Variants in FGF12 observed in about 807,000 individuals in gnomAD.
FGF12 encodes fibroblast growth factor 12B.
FGF12 carries 14 observed loss-of-function variants against 23.6 expected under a neutral mutation model. The observed-to-expected ratio is 0.59, with a 90% confidence interval of 0.39 to 0.93. FGF12 has a LOEUF of 0.93. Ranked by LOEUF, FGF12 falls within the 40% of genes least tolerant of loss-of-function variation. FGF12 has a pLI of 0.00. For missense variants in FGF12, 175 were observed against 217.8 expected, an observed-to-expected ratio of 0.80 and a Z score of 1.24; for synonymous variants, 62 against 77.3, an observed-to-expected ratio of 0.80 and a Z score of 1.04.
intron 2 of FGF12, among the ~76,000 whole-genome samples, chr3:192,596,455 A>C (rs1429043624): frequency 6.6e-6 from 1 of 152,068 alleles, no homozygotes; most frequent in Non-Finnish European, 1.5e-5. Flanking sequence ...TTTCATATTC[A>C]TTATCTCATT....
chr3:192,259,542 G>A (rs148499906), intron 4 of FGF12, among the ~76,000 whole-genome samples: 1 of 152,220 alleles, frequency 6.6e-6, no homozygotes, highest in African/African-American at 2.4e-5. Context: ...TCTCTGACAT[G>A]CCATGTATAA....
intron 3 of FGF12, among the ~76,000 whole-genome samples, chr3:192,340,415 G>A (rs1717635131): frequency 6.6e-6 from 1 of 152,016 alleles, no homozygotes; most frequent in Non-Finnish European, 1.5e-5. Flanking sequence ...AAAACAAGAG[G>A]GAGAATATGC....
intron 4 of FGF12, among the ~76,000 whole-genome samples, chr3:192,330,464 T>C (rs1220229703): frequency 6.6e-6 from 1 of 152,092 alleles, no homozygotes; most frequent in Non-Finnish European, 1.5e-5. Flanking sequence ...GATTACACAA[T>C]GGAGAAAGGT....
chr3:192,675,239 A>G (rs1228687939), intron 2 of FGF12, among the ~76,000 whole-genome samples: 2 of 152,110 alleles, frequency 1.3e-5, no homozygotes, highest in East Asian at 1.9e-4. Flanking sequence ...ACTGTGGCCA[A>G]TGACAGCAAT....
intron 2 of FGF12, among the ~76,000 whole-genome samples, chr3:192,602,149 A>C (rs1714139618): frequency 6.6e-6 from 1 of 152,118 alleles, no homozygotes; most frequent in Non-Finnish European, 1.5e-5. Flanking sequence ...AATTCTAACA[A>C]ATGTCTTATT....
intron 2 of FGF12, among the ~76,000 whole-genome samples, chr3:192,392,843 G>A (rs1720367113): frequency 6.6e-6 from 1 of 152,190 alleles, no homozygotes; most frequent in Non-Finnish European, 1.5e-5. Context: ...TGAATGTACA[G>A]TGGTGTTGGA....
At chr3:192,260,045 T>A (rs1357033198) in intron 4 of FGF12, among the ~76,000 whole-genome samples, 1 of 152,142 alleles carries the variant, frequency 6.6e-6, no homozygotes, top group African/African-American at 2.4e-5. Context: ...TGTTACATAT[T>A]TTTTCTTCCC....
At chr3:192,476,800 G>T (rs1288841238) in intron 2 of FGF12, among the ~76,000 whole-genome samples, 2 of 152,188 alleles carry the variant, frequency 1.3e-5, no homozygotes, top group Admixed American at 6.5e-5. Context: ...TTGTAAATGA[G>T]TTTGGATGAT....
chr3:192,202,492 T>C (rs1717422501), intron 4 of FGF12, among the ~76,000 whole-genome samples: 1 of 152,268 alleles, frequency 6.6e-6, no homozygotes, highest in South Asian at 2.1e-4. Flanking sequence ...TGTTTTTTAA[T>C]TGAAATAAGC....
chr3:192,398,023 T>C (rs1370437525), intron 2 of FGF12, among the ~76,000 whole-genome samples: 3 of 152,268 alleles, frequency 2.0e-5, no homozygotes, highest in East Asian at 1.9e-4. Context: ...GGGTTTATAG[T>C]TCTTCTTTCA....
At chr3:192,386,086 T>A (rs1316350389) in intron 2 of FGF12, among the ~76,000 whole-genome samples, 1 of 152,208 alleles carries the variant, frequency 6.6e-6, no homozygotes, top group Non-Finnish European at 1.5e-5. Context: ...GTTTTCAATA[T>A]GGGGTGAATA....
At chr3:192,664,605 C>CAAAAAAAAAAAAAAAAAAAAAA (rs763256973) in intron 2 of FGF12, among the ~76,000 whole-genome samples, 1 of 111,922 alleles carries the variant, frequency 8.9e-6, no homozygotes, top group Non-Finnish European at 1.8e-5. Flanking sequence ...AAAAAAAATA[C>CAAAAAAAAAAAAAAAAAAAAAA]AAAAAAAAAA....
intron 2 of FGF12, among the ~76,000 whole-genome samples, chr3:192,707,953 A>AT (rs1553848270): frequency 2.0e-5 from 3 of 151,290 alleles, no homozygotes; most frequent in East Asian, 1.9e-4. Context: ...CATTATTATT[A>AT]TTATTTATTT....
intron 2 of FGF12, among the ~76,000 whole-genome samples, chr3:192,543,107 C>T (rs2108578544): frequency 6.6e-6 from 1 of 151,252 alleles, no homozygotes; most frequent in East Asian, 2.0e-4. Context: ...GAGTTTCCTC[C>T]AGCACCAGTC....
At chr3:192,158,382 CT>C (rs145453891) in intron 5 of FGF12, among the ~76,000 whole-genome samples, 6,166 of 80,632 alleles carry the variant, frequency 0.076, 199 homozygotes, top group East Asian at 0.14. Context: ...TTCTTTCTTT[CT>C]TTTCTTTCTC....
At chr3:192,469,578 A>G (rs977028684) in intron 2 of FGF12, among the ~76,000 whole-genome samples, 2 of 152,246 alleles carry the variant, frequency 1.3e-5, no homozygotes, top group African/African-American at 4.8e-5. Context: ...TACCAAACTA[A>G]GTAGAATTGT....
intron 2 of FGF12, among the ~76,000 whole-genome samples, chr3:192,381,580 T>G (rs939141370): frequency 6.6e-6 from 1 of 152,190 alleles, no homozygotes; most frequent in African/African-American, 2.4e-5. Context: ...TCCTGGCTGC[T>G]ATGGAGGATA....
At chr3:192,352,304 A>C (rs551115797) in intron 3 of FGF12, among the ~76,000 whole-genome samples, 2 of 152,214 alleles carry the variant, frequency 1.3e-5, no homozygotes, top group Admixed American at 1.3e-4. Context: ...TCCTGGGGGC[A>C]GAGGAAAGAT....
chr3:192,631,403 C>G (rs1400265856), intron 2 of FGF12, among the ~76,000 whole-genome samples: 4 of 152,182 alleles, frequency 2.6e-5, no homozygotes, highest in African/African-American at 9.7e-5. Context: ...CTCCTGGCTT[C>G]CCACAGCAAC....
Sources: gnomAD v4.1 joint callset for allele counts (sites outside exome capture counted in the v4.1 genomes callset) on GRCh38, gnomAD v4.1.1 for gene constraint, MANE v1.5 for transcripts, NCBI Gene and HGNC (gene_info 2026-07-23, HGNC 2026-07-21) for gene names.